The following HCRTR2 variants were observed in gnomAD, a reference collection of about 807,000 sequenced individuals.
HCRTR2 encodes the protein hypocretin receptor 2.
A neutral mutation model predicts 49.0 loss-of-function variants in HCRTR2; 22 were observed. That is an observed-to-expected ratio of 0.45 (90% CI 0.32 to 0.64). The LOEUF is 0.64. Ranked by LOEUF, HCRTR2 falls within the 30% of genes least tolerant of loss-of-function variation. HCRTR2 has a pLI of 0.04. For missense variants in HCRTR2, 491 were observed against 559.4 expected (o/e 0.88, Z 1.23); for synonymous variants, 236 against 205.3 (o/e 1.15, Z -1.28).
intron 1 of HCRTR2, among the ~76,000 whole-genome samples, chr6:55,126,145 G>T (rs1213118190): frequency 6.6e-6 from 1 of 152,126 alleles, no homozygotes; most frequent in East Asian, 1.9e-4. Flanking sequence ...TCTCTGTCCA[G>T]TTTTGTTCCC....
At chr6:55,242,017 C>T (rs1766345018) in intron 1 of HCRTR2, among the ~76,000 whole-genome samples, 1 of 151,238 alleles carries the variant, frequency 6.6e-6, no homozygotes, top group Admixed American at 6.6e-5. Flanking sequence ...TACAGGCTCC[C>T]ACCACCAAGC....
chr6:55,126,601 C>G (rs1422653760), intron 1 of HCRTR2, among the ~76,000 whole-genome samples: 1 of 152,232 alleles, frequency 6.6e-6, no homozygotes, highest in Non-Finnish European at 1.5e-5. Flanking sequence ...CAATCTGCCC[C>G]TTAGCAGAGC....
intron 1 of HCRTR2, among the ~76,000 whole-genome samples, chr6:55,214,512 AT>A (rs569763373): frequency 1.5e-4 from 22 of 150,822 alleles, no homozygotes; most frequent in African/African-American, 2.7e-4. Flanking sequence ...TTATTTTTTT[AT>A]TTTTTTTCGT....
intron 1 of HCRTR2, among the ~76,000 whole-genome samples, chr6:55,209,443 C>T (rs1281308557): frequency 6.6e-6 from 1 of 152,082 alleles, no homozygotes; most frequent in Non-Finnish European, 1.5e-5. Flanking sequence ...TTGTTTTTCC[C>T]CATAAGCTGA....
intron 4 of HCRTR2, among the ~76,000 whole-genome samples, chr6:55,274,914 A>T (rs1006049259): frequency 3.9e-5 from 6 of 152,068 alleles, no homozygotes; most frequent in Non-Finnish European, 7.4e-5. Context: ...GATTGGAATT[A>T]TTTATTCTTT....
chr6:55,226,412 G>T (rs1007834639), intron 1 of HCRTR2, among the ~76,000 whole-genome samples: 8 of 152,124 alleles, frequency 5.3e-5, no homozygotes, highest in African/African-American at 1.9e-4. Flanking sequence ...AAGTTCAAGT[G>T]ATTCTCCTGC....
intron 1 of HCRTR2, among the ~76,000 whole-genome samples, chr6:55,199,694 C>T (rs3134698): frequency 0.86 from 130,579 of 152,172 alleles, 56,501 homozygotes; most frequent in East Asian, 0.97. Context: ...TGTTTAATTT[C>T]GAAAAAAATA....
intron 1 of HCRTR2, among the ~76,000 whole-genome samples, chr6:55,200,977 A>G (rs1187804039): frequency 6.6e-6 from 1 of 152,000 alleles, no homozygotes; most frequent in East Asian, 1.9e-4. Flanking sequence ...AGAGAATGCA[A>G]TTTTTTACTT....
At chr6:55,145,829 T>A (rs1198400474) in intron 1 of HCRTR2, among the ~76,000 whole-genome samples, 4 of 151,970 alleles carry the variant, frequency 2.6e-5, no homozygotes, top group African/African-American at 4.8e-5. Context: ...CTTATTTTTT[T>A]AAAAAAAGCT....
chr6:55,163,164 G>C (rs1351239331), intron 1 of HCRTR2, among the ~76,000 whole-genome samples: 1 of 151,942 alleles, frequency 6.6e-6, no homozygotes, highest in East Asian at 1.9e-4. Context: ...GTGAACCCAG[G>C]AGACGGAGCT....
At chr6:55,154,694 A>AAATG (rs1764707256) in intron 1 of HCRTR2, among the ~76,000 whole-genome samples, 1 of 138,560 alleles carries the variant, frequency 7.2e-6, no homozygotes, top group African/African-American at 2.5e-5. Flanking sequence ...ATAAATAAAT[A>AAATG]AATAGATAAA....
intron 1 of HCRTR2, among the ~76,000 whole-genome samples, chr6:55,107,159 C>T (rs1425611219): frequency 2.0e-5 from 3 of 151,930 alleles, no homozygotes; most frequent in Admixed American, 2.0e-4. Flanking sequence ...AAAATATTTT[C>T]TGGTAATTAT....
At chr6:55,203,776 G>T (rs923066092) in intron 1 of HCRTR2, among the ~76,000 whole-genome samples, 1 of 152,092 alleles carries the variant, frequency 6.6e-6, no homozygotes, top group Middle Eastern at 3.4e-3. Flanking sequence ...TTAGGTATAC[G>T]AGTAACAGTA....
intron 2 of HCRTR2, among the ~76,000 whole-genome samples, 186 bp from the exon 3 acceptor site, chr6:55,254,950 T>G (rs1766621711): frequency 1.3e-5 from 2 of 152,190 alleles, no homozygotes; most frequent in African/African-American, 4.8e-5. Flanking sequence ...AAAAGTATAT[T>G]TCTAATATTT....
chr6:55,246,580 T>C (rs1766447709), intron 1 of HCRTR2, among the ~76,000 whole-genome samples: 2 of 152,076 alleles, frequency 1.3e-5, no homozygotes, highest in Admixed American at 1.3e-4. Flanking sequence ...AAATAGAGGT[T>C]GGTAGCTTCC....
intron 1 of HCRTR2, among the ~76,000 whole-genome samples, chr6:55,107,741 A>G (rs4571554): frequency 0.55 from 83,979 of 151,924 alleles, 24,100 homozygotes; most frequent in East Asian, 0.84. Context: ...TTTTAAATAT[A>G]CATCCTGGTA....
chr6:55,202,666 A>G (rs988753626), intron 1 of HCRTR2, among the ~76,000 whole-genome samples: 4 of 152,086 alleles, frequency 2.6e-5, no homozygotes, highest in Non-Finnish European at 4.4e-5. Context: ...TTAGAATATT[A>G]ATCTCGTTCA....
chr6:55,153,076 C>T (rs9367618), intron 1 of HCRTR2, among the ~76,000 whole-genome samples: 1 of 151,892 alleles, frequency 6.6e-6, no homozygotes, highest in African/African-American at 2.4e-5. Context: ...TGTGGTGCAA[C>T]GTAAGCATCC....
chr6:55,174,516 C>T lies in HCRTR2; in HGVS notation c.-72C>T. 1.5e-6 allele frequency: 2 copies of T among 1,300,198 alleles called. No individual in the cohort carries two copies. The highest frequency in any genetic ancestry group is 2.2e-6 in the Non-Finnish European group (2 of 894,440). The allele number at this position is 1,300,198 out of a possible 1,614,324, so 80.5% of individuals were successfully genotyped here. On this transcript the variant is annotated 5_prime_UTR_variant, in exon 1 of 7. Transcript: ENST00000370862. ...CCTCTCCGCGCAGCCTTTCCCACCGCAAATCACCAGTGCTCATGGGGCAGG... is the reference window on the plus strand; with the variant it reads ...CCTCTCCGCGCAGCCTTTCCCACCGTAAATCACCAGTGCTCATGGGGCAGG...
Sources: gnomAD v4.1 joint callset for allele counts (sites outside exome capture counted in the v4.1 genomes callset) on GRCh38, gnomAD v4.1.1 for gene constraint, MANE v1.5 for transcripts, NCBI Gene and HGNC (gene_info 2026-07-23, HGNC 2026-07-21) for gene names.